GADL1: variants seen among roughly 807,000 people sequenced by gnomAD.
The protein encoded by GADL1 is GAD like acidic amino acid decarboxylase 1.
GADL1 carries 71 observed loss-of-function variants against 69.5 expected under a neutral mutation model. That is an observed-to-expected ratio of 1.02 (90% CI 0.84 to 1.25). GADL1 has a LOEUF of 1.25. Ranked by LOEUF, GADL1 falls within the 50% of genes most tolerant of loss-of-function variation. GADL1 has a pLI of 0.00. For missense variants in GADL1, 737 were observed against 631.8 expected, an observed-to-expected ratio of 1.17 and a Z score of -1.79; for synonymous variants, 254 against 214.4, an observed-to-expected ratio of 1.18 and a Z score of -1.62.
chr3:30,751,326 A>G (rs1695809218), intron 14 of GADL1, among the ~76,000 whole-genome samples: 1 of 152,070 alleles, frequency 6.6e-6, no homozygotes. Flanking sequence ...CATTGTGGTA[A>G]GGAGACTCTT....
chr3:30,827,778 T>C (rs778921939), intron 11 of GADL1, among the ~76,000 whole-genome samples: 1 of 151,934 alleles, frequency 6.6e-6, no homozygotes, highest in Middle Eastern at 3.2e-3. Flanking sequence ...TCTCTCTGTT[T>C]GATTTCTCAA....
intron 12 of GADL1, among the ~76,000 whole-genome samples, chr3:30,793,481 A>G (rs1190587653): frequency 6.6e-6 from 1 of 152,190 alleles, no homozygotes; most frequent in East Asian, 1.9e-4. Context: ...AAAGGCATTC[A>G]AGTAAGTGGA....
At chr3:30,787,277 T>C (rs1696815183) in intron 12 of GADL1, among the ~76,000 whole-genome samples, 1 of 152,118 alleles carries the variant, frequency 6.6e-6, no homozygotes, top group African/African-American at 2.4e-5. Context: ...TTTTGAATGT[T>C]GGGGGAAAGA....
At chr3:30,770,881 C>T (rs894714396) in intron 14 of GADL1, among the ~76,000 whole-genome samples, 8 of 152,304 alleles carry the variant, frequency 5.3e-5, no homozygotes, top group African/African-American at 1.7e-4. Flanking sequence ...CTGTACTTAT[C>T]TGGCTTTTCT....
intron 1 of GADL1, among the ~76,000 whole-genome samples, chr3:30,866,705 G>T (rs1698408930): frequency 6.6e-6 from 1 of 152,018 alleles, no homozygotes; most frequent in Non-Finnish European, 1.5e-5. Flanking sequence ...TGGTAGCTGA[G>T]TAGTTCAGCC....
chr3:30,876,283 T>C (rs1391017576), intron 1 of GADL1, among the ~76,000 whole-genome samples: 1 of 152,064 alleles, frequency 6.6e-6, no homozygotes, highest in Non-Finnish European at 1.5e-5. Flanking sequence ...TAGGTCTATA[T>C]GATTCTCAAA....
At chr3:30,833,511 A>T (rs1697824239) in intron 11 of GADL1, among the ~76,000 whole-genome samples, 1 of 152,100 alleles carries the variant, frequency 6.6e-6, no homozygotes, top group Non-Finnish European at 1.5e-5. Flanking sequence ...AAGTTTCAAG[A>T]TAACTTAAAT....
chr3:30,818,447 G>C (rs1288716786), intron 11 of GADL1, among the ~76,000 whole-genome samples: 1 of 152,012 alleles, frequency 6.6e-6, no homozygotes, highest in East Asian at 1.9e-4. Flanking sequence ...AACTCAAATT[G>C]ACTAGTCAGA....
At chr3:30,770,716 C>A (rs1383471260) in intron 14 of GADL1, among the ~76,000 whole-genome samples, 1 of 152,178 alleles carries the variant, frequency 6.6e-6, no homozygotes, top group African/African-American at 2.4e-5. Flanking sequence ...TCAGCCTCAG[C>A]CTGCAGAAAT....
At chr3:30,740,964 A>ATATTATATATTAATATATATTATT (rs1695609871) in intron 14 of GADL1, among the ~76,000 whole-genome samples, 1 of 136,520 alleles carries the variant, frequency 7.3e-6, no homozygotes, top group African/African-American at 2.8e-5. Flanking sequence ...TATTTATTAT[A>ATATTATATATTAATATATATTATT]TATTATATAT....
chr3:30,727,052 G>A lies in GADL1; in HGVS notation c.*1190C>T, dbSNP rs1274667345. On this transcript the variant is annotated 3_prime_UTR_variant, in exon 15 of 15. Transcript: ENST00000282538. ...GCAAGATAATAAACAAGCCCCTCAA[G>A]CTAAAAGAGGAACACAGAAACATAT... 6.6e-6 allele frequency: 1 copy of A among 151,302 alleles called. No individual in the cohort carries two copies. The highest frequency in any genetic ancestry group is 1.5e-5 in the Non-Finnish European group (1 of 67,810). 9.4% of individuals were successfully genotyped at this position (151,302 alleles called of 1,614,324 possible). A position where few individuals can be genotyped will look rare whatever the true frequency, so the allele number is the denominator to read the frequency against.
At chr3:30,813,084 T>G (rs1313831329) in intron 11 of GADL1, among the ~76,000 whole-genome samples, 12 of 152,080 alleles carry the variant, frequency 7.9e-5, no homozygotes, top group Admixed American at 4.6e-4. Flanking sequence ...ATTTGACAAA[T>G]TTTTGGCATA....
At position 30,726,714 on chromosome 3, in the gene GADL1, C is replaced by T. The variant is rs1283402741; in HGVS notation, c.*1528G>A. 1 of 152,116 alleles carries T rather than the reference C, an allele frequency of 6.6e-6. No homozygotes were observed. Among genetic ancestry groups the T allele is most frequent in the Non-Finnish European group, 1.5e-5 (1 of 68,014 alleles). 9.4% of individuals were successfully genotyped at this position (152,116 alleles called of 1,614,324 possible). ...GTCTAATGCTTTAACACTCTTCAAT[C>T]ATTCACCTTTTAATGCAGACCTTTA... On this transcript the variant is annotated 3_prime_UTR_variant, in exon 15 of 15. Transcript: ENST00000282538.
At chr3:30,805,545 C>CT (rs2125509305) in intron 11 of GADL1, among the ~76,000 whole-genome samples, 1 of 152,182 alleles carries the variant, frequency 6.6e-6, no homozygotes, top group South Asian at 2.1e-4. Context: ...ACTTGTGAAT[C>CT]TGGTAACATT....
chr3:30,805,501 C>A (rs1262273255), intron 11 of GADL1, among the ~76,000 whole-genome samples: 1 of 152,110 alleles, frequency 6.6e-6, no homozygotes, highest in Non-Finnish European at 1.5e-5. Flanking sequence ...CCAGTAATAT[C>A]CTGTTTTTAA....
intron 11 of GADL1, among the ~76,000 whole-genome samples, chr3:30,816,346 C>A (rs1307698710): frequency 6.6e-6 from 1 of 151,806 alleles, no homozygotes; most frequent in Non-Finnish European, 1.5e-5. Context: ...ACAGAAGGAA[C>A]AACTTGGCTG....
chr3:30,863,202 A>C (rs562134572), intron 1 of GADL1, among the ~76,000 whole-genome samples: 41 of 152,028 alleles, frequency 2.7e-4, no homozygotes, highest in South Asian at 6.2e-4. Flanking sequence ...TTCTATGTTT[A>C]AATGTTCCTC....
chr3:30,735,517 C>T (rs952641495), intron 14 of GADL1, among the ~76,000 whole-genome samples: 1 of 152,154 alleles, frequency 6.6e-6, no homozygotes. Flanking sequence ...ATTATGCTAA[C>T]AGAAAGAAGC....
intron 14 of GADL1, among the ~76,000 whole-genome samples, chr3:30,751,911 T>C (rs1474048831): frequency 1.3e-5 from 2 of 152,166 alleles, no homozygotes; most frequent in African/African-American, 2.4e-5. Context: ...CTTGTTTCTC[T>C]CCCCAATATC....
Sources: allele counts gnomAD v4.1 joint callset (sites outside exome capture counted in the v4.1 genomes callset), GRCh38; gene constraint gnomAD v4.1.1; transcripts MANE v1.5; gene names NCBI Gene and HGNC (gene_info 2026-07-23, HGNC 2026-07-21).